The following ASIC2 variants were observed in gnomAD, a reference collection of about 807,000 sequenced individuals.
ASIC2 encodes acid-sensing ion channel 2.
A neutral mutation model predicts 57.3 loss-of-function variants in ASIC2; 25 were observed. The ratio of observed to expected loss-of-function variants is 0.44; its 90% CI spans 0.32 to 0.61. The LOEUF is 0.61. Among genes scored for constraint, ASIC2 ranks in the 20% least tolerant of loss-of-function variants. The pLI, the probability that ASIC2 is intolerant of heterozygous loss-of-function variation, is 0.06. For synonymous variants in ASIC2, 319 were observed against 307.5 expected, an observed-to-expected ratio of 1.04 and a Z score of -0.39; for missense variants, 641 against 738.1, an observed-to-expected ratio of 0.87 and a Z score of 1.52.
chr17:33,180,491 G>T (rs538127337), intron 1 of ASIC2, among the ~76,000 whole-genome samples: 1 of 152,102 alleles, frequency 6.6e-6, no homozygotes, highest in East Asian at 1.9e-4. Context: ...AGCATCTGAC[G>T]TCCCTTGCTG....
Position 34,012,330 on chromosome 17 carries a change from A to G in ASIC2, c.555+143648T>C, listed in dbSNP as rs550556848. Reference sequence around the variant, plus strand: ...TGAAGGATGCAGTCCCAGCATCTTTATAGCCTATCTCCACTAAACGTCTCA... The same window carrying G: ...TGAAGGATGCAGTCCCAGCATCTTTGTAGCCTATCTCCACTAAACGTCTCA... On this transcript the variant is annotated intron_variant, in intron 1 of 9. Transcript: ENST00000359872. Among the ~76,000 whole-genome samples, 6 of 152,294 alleles carry G rather than the reference A, an allele frequency of 3.9e-5. No individual in the cohort carries two copies. The East Asian group carries it at 9.6e-4, about 24-fold the overall frequency.
intron 1 of ASIC2, among the ~76,000 whole-genome samples, chr17:33,395,861 T>C (rs1210960349): frequency 2.0e-5 from 3 of 152,052 alleles, no homozygotes; most frequent in Non-Finnish European, 2.9e-5. Flanking sequence ...ATTTTGACCA[T>C]ACTTCTTAAC....
intron 1 of ASIC2, among the ~76,000 whole-genome samples, chr17:33,773,058 G>T (rs144017386): frequency 6.6e-6 from 1 of 152,096 alleles, no homozygotes; most frequent in Non-Finnish European, 1.5e-5. Context: ...ACATATTCAC[G>T]GCCATCTGAC....
chr17:33,384,988 C>T (rs1368919736), intron 1 of ASIC2, among the ~76,000 whole-genome samples: 1 of 152,168 alleles, frequency 6.6e-6, no homozygotes, highest in Non-Finnish European at 1.5e-5. Flanking sequence ...AGACATAGGT[C>T]CAAATTCCAA....
At chr17:34,052,587 C>G (rs1397419431) in intron 1 of ASIC2, among the ~76,000 whole-genome samples, 1 of 152,020 alleles carries the variant, frequency 6.6e-6, no homozygotes, top group African/African-American at 2.4e-5. Flanking sequence ...TCTTCCTCAT[C>G]CCTAGTAAAT....
At chr17:33,556,841 C>G (rs1480216201) in intron 1 of ASIC2, among the ~76,000 whole-genome samples, 2 of 152,198 alleles carry the variant, frequency 1.3e-5, no homozygotes, top group African/African-American at 4.8e-5. Context: ...TTCCATTTCC[C>G]ATATTCCCCT....
intron 1 of ASIC2, among the ~76,000 whole-genome samples, chr17:33,875,568 A>C (rs1427287860): frequency 6.6e-6 from 1 of 152,174 alleles, no homozygotes. Context: ...CTCAGTCCCC[A>C]AAGCCCCATT....
At chr17:33,664,251 G>A (rs1272399001) in intron 1 of ASIC2, among the ~76,000 whole-genome samples, 5 of 152,178 alleles carry the variant, frequency 3.3e-5, no homozygotes, top group African/African-American at 9.7e-5. Context: ...AGTATGTTTT[G>A]TCTTTGGATC....
At chr17:33,921,372 T>C (rs1169683973) in intron 1 of ASIC2, among the ~76,000 whole-genome samples, 1 of 152,224 alleles carries the variant, frequency 6.6e-6, no homozygotes, top group Non-Finnish European at 1.5e-5. Flanking sequence ...TTAAACAGTA[T>C]GGAAAACATA....
intron 1 of ASIC2, among the ~76,000 whole-genome samples, chr17:33,493,457 C>T (rs546030175): frequency 2.0e-5 from 3 of 152,176 alleles, no homozygotes; most frequent in Admixed American, 6.5e-5. Context: ...CAGATTTGAC[C>T]GTGGGTACTT....
chr17:33,835,698 A>G lies in ASIC2; in HGVS notation c.555+320280T>C, dbSNP rs1169937832. ...GCTATGCTCTCCTGACTTCTATCACATCATAGAGGAGTCTAATAAAATATA... is the reference window on the plus strand; with the variant it reads ...GCTATGCTCTCCTGACTTCTATCACGTCATAGAGGAGTCTAATAAAATATA... On this transcript the variant is annotated intron_variant, in intron 1 of 9. Coordinates refer to the ASIC2 transcript ENST00000359872. 2.6e-5 allele frequency among the ~76,000 whole-genome samples: 4 copies of G among 152,356 alleles called. No individual in the cohort carries two copies. In the East Asian group the frequency reaches 7.7e-4, roughly 29 times the overall value.
chr17:33,832,876 A>AT (rs1268749815), intron 1 of ASIC2, among the ~76,000 whole-genome samples: 20 of 152,286 alleles, frequency 1.3e-4, no homozygotes, highest in African/African-American at 4.8e-4. Flanking sequence ...GTGCTGTTTG[A>AT]TTTTTATAGT....
intron 1 of ASIC2, among the ~76,000 whole-genome samples, chr17:34,021,254 T>TAA (rs910343960): frequency 7.0e-6 from 1 of 143,256 alleles, no homozygotes; most frequent in African/African-American, 2.6e-5. Context: ...ACAAACAAAT[T>TAA]AAAAAAAAAA....
chr17:33,096,050 A>T (rs1330277720), intron 2 of ASIC2, among the ~76,000 whole-genome samples: 1 of 152,092 alleles, frequency 6.6e-6, no homozygotes, highest in African/African-American at 2.4e-5. Flanking sequence ...GGAGACTATA[A>T]AGTGTGTGTG....
intron 1 of ASIC2, among the ~76,000 whole-genome samples, chr17:33,877,269 G>C (rs1914572110): frequency 6.6e-6 from 1 of 152,112 alleles, no homozygotes; most frequent in African/African-American, 2.4e-5. Flanking sequence ...CGGACAGTGG[G>C]TGCAGGACAG....
chr17:33,954,847 CT>C lies in ASIC2; in HGVS notation c.555+201130del, dbSNP rs1393076269. ...TGCAGCCCGGTTTGCGCCTTTCTTG[CT>C]TATAAGAAGAACCTTGAAGTCTCCA... On this transcript the variant is annotated intron_variant, in intron 1 of 9. Transcript: ENST00000359872. Among the ~76,000 whole-genome samples the C allele has an allele frequency of 2.6e-5, 4 of 152,162 alleles. No homozygotes were observed. The East Asian group carries it at 7.7e-4, about 29-fold the overall frequency.
At position 34,033,305 on chromosome 17, in the gene ASIC2, T is replaced by C. The variant is rs552858698; in HGVS notation, c.555+122673A>G. On this transcript the variant is annotated intron_variant, in intron 1 of 9. Transcript: ENST00000359872. Reference sequence around the variant, plus strand: ...AATGAAGGCAGAAATAAAGATGTTCTTTGAAACCAACGAGAACAAAAACAC... The same window carrying C: ...AATGAAGGCAGAAATAAAGATGTTCCTTGAAACCAACGAGAACAAAAACAC... 2.0e-5 allele frequency among the ~76,000 whole-genome samples: 3 copies of C among 152,288 alleles called. No individual in the cohort carries two copies. In the East Asian group the frequency reaches 5.8e-4, roughly 29 times the overall value.
At chr17:34,010,612 C>T (rs574528788) in intron 1 of ASIC2, among the ~76,000 whole-genome samples, 20 of 152,098 alleles carry the variant, frequency 1.3e-4, no homozygotes, top group African/African-American at 3.6e-4. Flanking sequence ...CACACAGATA[C>T]GCACAAACAT....
chr17:34,115,168 C>T (rs1444396441), intron 1 of ASIC2, among the ~76,000 whole-genome samples: 1 of 152,214 alleles, frequency 6.6e-6, no homozygotes, highest in African/African-American at 2.4e-5. Flanking sequence ...CCCCATTGCA[C>T]ACCGACTATC....
Sources: allele counts gnomAD v4.1 joint callset (sites outside exome capture counted in the v4.1 genomes callset), GRCh38; gene constraint gnomAD v4.1.1; transcripts MANE v1.5; gene names NCBI Gene and HGNC (gene_info 2026-07-23, HGNC 2026-07-21).